CADM1: variants seen among roughly 807,000 people sequenced by gnomAD.
CADM1 encodes the protein cell adhesion molecule 1.
A neutral mutation model predicts 53.1 loss-of-function variants in CADM1; 15 were observed. The observed-to-expected ratio is 0.28, with a 90% CI of 0.19 to 0.44. CADM1 has a LOEUF of 0.44. Among genes scored for constraint, CADM1 ranks in the 20% least tolerant of loss-of-function variants. The pLI is 1.00. For synonymous variants in CADM1, 281 were observed against 243.0 expected (o/e 1.16, Z -1.45); for missense variants, 434 against 611.3 (o/e 0.71, Z 3.06).
intron 10 of CADM1, among the ~76,000 whole-genome samples, chr11:115,180,495 G>A (rs1397255195): frequency 1.3e-5 from 2 of 152,154 alleles, no homozygotes; most frequent in Non-Finnish European, 2.9e-5. Context: ...CTCCAGCAAC[G>A]TGTCTAATAA....
At chr11:115,348,731 A>G (rs1229124826) in intron 1 of CADM1, among the ~76,000 whole-genome samples, 1 of 152,188 alleles carries the variant, frequency 6.6e-6, no homozygotes, top group East Asian at 1.9e-4. Context: ...TTAAGAGTGG[A>G]TAAGTGCCGT....
chr11:115,174,067 T>A lies in CADM1; in HGVS notation c.*2407A>T, dbSNP rs528304327. ...TTCCTGTTTTTGCTTTGTTTTATTA[T>A]TATTTTTTCCAATGTGTGGGGCCTA... On this transcript the variant is annotated 3_prime_UTR_variant, in exon 12 of 12. Transcript: ENST00000331581. 1 of 981,990 alleles carries A rather than the reference T, an allele frequency of 1.0e-6. No individual in the cohort carries two copies. Among genetic ancestry groups the A allele is most frequent in the East Asian group, 1.1e-4 (1 of 8,794 alleles). 60.8% of individuals were successfully genotyped at this position (981,990 alleles called of 1,614,324 possible).
chr11:115,384,868 C>G (rs1946660851), intron 1 of CADM1, among the ~76,000 whole-genome samples: 1 of 152,102 alleles, frequency 6.6e-6, no homozygotes, highest in Non-Finnish European at 1.5e-5. Context: ...CTCCCTTTAC[C>G]CAATCCTTGT....
chr11:115,238,345 G>A (rs1942082968), intron 3 of CADM1, among the ~76,000 whole-genome samples, 155 bp downstream of exon 3: 2 of 152,172 alleles, frequency 1.3e-5, no homozygotes, highest in Non-Finnish European at 2.9e-5. Context: ...ACAGCATTTG[G>A]TAAAATAGGC....
intron 1 of CADM1, among the ~76,000 whole-genome samples, chr11:115,255,590 G>A (rs558727570): frequency 1.3e-5 from 2 of 152,184 alleles, no homozygotes; most frequent in South Asian, 4.2e-4. Context: ...TAAACCAAAG[G>A]AGATCCTAGA....
intron 1 of CADM1, among the ~76,000 whole-genome samples, chr11:115,284,114 C>CTCTCTCTCTCTCTCTGTGTGTG (rs1351842329): frequency 1.3e-4 from 13 of 98,682 alleles, no homozygotes; most frequent in Non-Finnish European, 2.5e-4. Flanking sequence ...CTCTCTCTCT[C>CTCTCTCTCTCTCTCTGTGTGTG]TGTGTGTGTG....
chr11:115,467,522 T>C (rs867695967), intron 1 of CADM1, among the ~76,000 whole-genome samples: 4 of 152,326 alleles, frequency 2.6e-5, no homozygotes, highest in Middle Eastern at 3.4e-3. Context: ...ATGAAGCTGT[T>C]CAATTTCCAG....
intron 3 of CADM1, among the ~76,000 whole-genome samples, chr11:115,234,170 T>C (rs1229720999): frequency 6.6e-6 from 1 of 152,222 alleles, no homozygotes; most frequent in East Asian, 1.9e-4. Context: ...CCCTTGTCTC[T>C]GTTTACCCCA....
chr11:115,503,846 G>A (rs1405052526), intron 1 of CADM1, among the ~76,000 whole-genome samples: 3 of 152,138 alleles, frequency 2.0e-5, no homozygotes, highest in Admixed American at 2.0e-4. Flanking sequence ...GCCCTCTGGA[G>A]AGGTGGGGGC....
At chr11:115,325,984 A>T (rs1944949597) in intron 1 of CADM1, among the ~76,000 whole-genome samples, 1 of 152,198 alleles carries the variant, frequency 6.6e-6, no homozygotes, top group Non-Finnish European at 1.5e-5. Context: ...CTATTATCCC[A>T]GTTTCAAGGG....
At chr11:115,439,227 A>T (rs1011221977) in intron 1 of CADM1, among the ~76,000 whole-genome samples, 1 of 152,216 alleles carries the variant, frequency 6.6e-6, no homozygotes, top group Non-Finnish European at 1.5e-5. Context: ...CCCAAAATGT[A>T]AAAGGGTAAG....
At chr11:115,384,884 T>C (rs908472096) in intron 1 of CADM1, among the ~76,000 whole-genome samples, 2 of 152,222 alleles carry the variant, frequency 1.3e-5, no homozygotes, top group African/African-American at 4.8e-5. Flanking sequence ...CTTGTTCAAG[T>C]CATTTGCTAG....
At chr11:115,381,745 C>A (rs1332995169) in intron 1 of CADM1, among the ~76,000 whole-genome samples, 1 of 152,204 alleles carries the variant, frequency 6.6e-6, no homozygotes, top group East Asian at 1.9e-4. Context: ...ATAGTGACTA[C>A]ATGTGAGAAT....
chr11:115,413,329 C>A (rs1002564677), intron 1 of CADM1, among the ~76,000 whole-genome samples: 3 of 152,186 alleles, frequency 2.0e-5, no homozygotes, highest in Non-Finnish European at 2.9e-5. Context: ...CATTCTCATG[C>A]CAACTTAAAG....
chr11:115,182,719 G>A (rs990108566), intron 10 of CADM1, among the ~76,000 whole-genome samples: 4 of 152,270 alleles, frequency 2.6e-5, no homozygotes, highest in Non-Finnish European at 4.4e-5. Flanking sequence ...GCTTCAGGGC[G>A]GGCAGGCAGC....
rs1948666151 is a variant in CADM1 at position 115,455,553 on chromosome 11, TAG to T, written c.124+48716_124+48717del. Among the ~76,000 whole-genome samples, 4 of 152,268 alleles carry T rather than the reference TAG, an allele frequency of 2.6e-5. No homozygotes were observed. The South Asian group carries it at 8.3e-4, about 32-fold the overall frequency. ...ATTGCAACTGTGGAAAAGATTCCAG[TAG>T]AGTCAAGTTTCTTAAGAAATTCTCT... On this transcript the variant is annotated intron_variant, in intron 1 of 11. Coordinates refer to ENST00000331581, the MANE Select transcript of CADM1 (RefSeq NM_001301043.2).
chr11:115,256,310 AAG>A (rs1942786141), intron 1 of CADM1, among the ~76,000 whole-genome samples: 1 of 152,234 alleles, frequency 6.6e-6, no homozygotes, highest in Non-Finnish European at 1.5e-5. Context: ...GAGAAATAAC[AAG>A]AGTCTTAAGC....
intron 1 of CADM1, among the ~76,000 whole-genome samples, chr11:115,442,309 AG>A (rs1240040151): frequency 1.3e-5 from 2 of 152,298 alleles, no homozygotes; most frequent in East Asian, 3.9e-4. Context: ...CTCACTCTAA[AG>A]CTTTGGGATG....
chr11:115,191,728 CTTTA>C (rs45581138), intron 9 of CADM1, among the ~76,000 whole-genome samples: 23,576 of 152,012 alleles, frequency 0.16, 1,916 homozygotes, highest in East Asian at 0.29. Flanking sequence ...TTTCCTTTTG[CTTTA>C]TTTGTGAGCT....
Sources: gnomAD v4.1 joint callset for allele counts (sites outside exome capture counted in the v4.1 genomes callset) on GRCh38, gnomAD v4.1.1 for gene constraint, MANE v1.5 for transcripts, NCBI Gene and HGNC (gene_info 2026-07-23, HGNC 2026-07-21) for gene names.